INPP4B: variants seen among roughly 807,000 people sequenced by gnomAD.
INPP4B encodes the protein inositol polyphosphate 4-phosphatase type II.
INPP4B carries 55 observed loss-of-function variants against 122.5 expected under a neutral mutation model. The ratio of observed to expected loss-of-function variants is 0.45; its 90% CI spans 0.36 to 0.56. The LOEUF (loss-of-function observed/expected upper bound fraction) is 0.56, where lower values mean the gene tolerates loss of function less well. Among genes scored for constraint, INPP4B ranks in the 20% least tolerant of loss-of-function variants. The pLI is 0.00. For synonymous variants in INPP4B, 403 were observed against 388.7 expected, an observed-to-expected ratio of 1.04 and a Z score of -0.43; for missense variants, 1,000 against 1,097.7, an observed-to-expected ratio of 0.91 and a Z score of 1.26.
intron 12 of INPP4B, among the ~76,000 whole-genome samples, chr4:142,229,456 T>C (rs972792450): frequency 6.6e-6 from 1 of 152,208 alleles, no homozygotes; most frequent in Non-Finnish European, 1.5e-5. Flanking sequence ...TTTGTGGTAC[T>C]GATAGTGGAA....
intron 14 of INPP4B, 99 bp from the exon 15 acceptor site, chr4:142,193,294 T>G (rs1386218613): frequency 1.4e-5 from 9 of 644,206 alleles, no homozygotes; most frequent in Non-Finnish European, 2.2e-5. Context: ...GTATGAGAAA[T>G]TATTCTGTTT....
intron 12 of INPP4B, among the ~76,000 whole-genome samples, chr4:142,232,257 G>C (rs1457289394): frequency 6.6e-6 from 1 of 152,048 alleles, no homozygotes; most frequent in Non-Finnish European, 1.5e-5. Context: ...CACAGATACT[G>C]TGTTTTTTTG....
intron 18 of INPP4B, among the ~76,000 whole-genome samples, chr4:142,132,757 GA>G (rs1393747091): frequency 6.6e-6 from 1 of 152,092 alleles, no homozygotes; most frequent in Non-Finnish European, 1.5e-5. Context: ...ATTCTTGTCA[GA>G]AAACAAACAT....
chr4:142,298,967 G>A (rs973191950), intron 9 of INPP4B, among the ~76,000 whole-genome samples: 2 of 152,012 alleles, frequency 1.3e-5, no homozygotes, highest in Non-Finnish European at 2.9e-5. Context: ...TCCAAAGAGT[G>A]TTATTTACCT....
chr4:142,454,589 T>C (rs927225452), intron 3 of INPP4B, among the ~76,000 whole-genome samples: 1 of 152,116 alleles, frequency 6.6e-6, no homozygotes, highest in Non-Finnish European at 1.5e-5. Context: ...GGATCCGTCA[T>C]GTCATACAGC....
chr4:142,068,701 C>A (rs375498448), intron 25 of INPP4B, among the ~76,000 whole-genome samples: 8 of 151,950 alleles, frequency 5.3e-5, no homozygotes, highest in Non-Finnish European at 8.8e-5. Flanking sequence ...GATAAAACAG[C>A]CTTTAAACCA....
intron 2 of INPP4B, among the ~76,000 whole-genome samples, chr4:142,690,688 C>A (rs759493695): frequency 4.6e-5 from 7 of 152,200 alleles, no homozygotes; most frequent in Non-Finnish European, 1.0e-4. Context: ...CCTCCCACTC[C>A]TGCAAGAGAA....
At chr4:142,037,294 C>T (rs532791593) in intron 25 of INPP4B, among the ~76,000 whole-genome samples, 47 of 152,256 alleles carry the variant, frequency 3.1e-4, no homozygotes, top group Admixed American at 2.9e-3. Flanking sequence ...TATAATCCAA[C>T]GTGCATGATT....
chr4:142,487,419 C>T (rs1179230737), intron 2 of INPP4B, among the ~76,000 whole-genome samples: 2 of 152,038 alleles, frequency 1.3e-5, no homozygotes, highest in Non-Finnish European at 1.5e-5. Context: ...TTCTTCAAAA[C>T]GTTTGTCTAT....
chr4:142,348,883 C>T lies in INPP4B; in HGVS notation c.373-34121G>A, dbSNP rs141476328. The stretch of plus-strand genomic sequence containing the variant: ...GGGAAAAGTGATTTCAGGCACTTCG[C>T]AGCCAGCTCAGTGCAGGGGGCTGGA... On this transcript the variant is annotated intron_variant, in intron 7 of 25. Transcript: ENST00000262992. Among the ~76,000 whole-genome samples, 389 of 152,094 alleles carry T rather than the reference C, an allele frequency of 2.6e-3. 1 individual carries two copies. The highest frequency in any genetic ancestry group is 8.2e-3 in the African/African-American group (340 of 41,528).
chr4:142,506,710 C>G (rs930309164), intron 2 of INPP4B, among the ~76,000 whole-genome samples: 1 of 152,044 alleles, frequency 6.6e-6, no homozygotes, highest in Non-Finnish European at 1.5e-5. Flanking sequence ...GTGTCAGAAC[C>G]GAGCTAGAAA....
At chr4:142,736,342 G>A (rs868841944) in intron 1 of INPP4B, among the ~76,000 whole-genome samples, 1 of 151,944 alleles carries the variant, frequency 6.6e-6, no homozygotes, top group African/African-American at 2.4e-5. Context: ...ACCACTAAGT[G>A]TTCTAGTCTG....
At chr4:142,208,399 A>AT in intron 14 of INPP4B, 26 bp downstream of exon 14, 1 of 1,284,432 alleles carries the variant, frequency 7.8e-7, no homozygotes, top group Non-Finnish European at 1.1e-6. Flanking sequence ...ATAATTTGCT[A>AT]TTTTTAAAAG....
chr4:142,520,999 C>A (rs530036023), intron 2 of INPP4B, among the ~76,000 whole-genome samples: 1 of 151,760 alleles, frequency 6.6e-6, no homozygotes, highest in African/African-American at 2.4e-5. Flanking sequence ...TCTCCCTTGA[C>A]CCCAAACCTA....
chr4:142,349,884 G>T (rs1001246869), intron 7 of INPP4B, among the ~76,000 whole-genome samples: 2 of 114,506 alleles, frequency 1.7e-5, no homozygotes, highest in African/African-American at 5.6e-5. Context: ...AATACTGTCA[G>T]ATAAGTTGTA....
At chr4:142,417,225 C>T (rs1242648647) in intron 5 of INPP4B, among the ~76,000 whole-genome samples, 1 of 152,098 alleles carries the variant, frequency 6.6e-6, no homozygotes, top group Non-Finnish European at 1.5e-5. Flanking sequence ...TTACACTACT[C>T]AAATTAAATT....
chr4:142,639,101 C>T (rs1749810081), intron 2 of INPP4B, among the ~76,000 whole-genome samples: 1 of 152,080 alleles, frequency 6.6e-6, no homozygotes, highest in Admixed American at 6.5e-5. Flanking sequence ...GAATGCTGAC[C>T]TAGCCTTGTA....
chr4:142,190,067 C>T (rs1168929359), intron 15 of INPP4B, among the ~76,000 whole-genome samples: 1 of 152,082 alleles, frequency 6.6e-6, no homozygotes, highest in East Asian at 1.9e-4. Context: ...TATCTTTTCT[C>T]AGATGACAGT....
At chr4:142,744,335 A>G (rs1195594034) in intron 1 of INPP4B, among the ~76,000 whole-genome samples, 1 of 151,922 alleles carries the variant, frequency 6.6e-6, no homozygotes, top group Non-Finnish European at 1.5e-5. Flanking sequence ...CAACTACCAT[A>G]AGTATAATAG....
Sources: gnomAD v4.1 joint callset for allele counts (sites outside exome capture counted in the v4.1 genomes callset) on GRCh38, gnomAD v4.1.1 for gene constraint, MANE v1.5 for transcripts, NCBI Gene and HGNC (gene_info 2026-07-23, HGNC 2026-07-21) for gene names.